Variants in RBMS1 observed in about 807,000 individuals in gnomAD.
RBMS1 encodes RNA-binding motif, single-stranded-interacting protein 1.
A neutral mutation model predicts 62.3 loss-of-function variants in RBMS1; 17 were observed. The ratio of observed to expected loss-of-function variants is 0.27; its 90% CI spans 0.19 to 0.41. The LOEUF (loss-of-function observed/expected upper bound fraction) is 0.41. Ranked by LOEUF, RBMS1 falls within the 10% of genes least tolerant of loss-of-function variation. The pLI is 1.00. For missense variants in RBMS1, 334 were observed against 504.5 expected, an observed-to-expected ratio of 0.66 and a Z score of 3.24; for synonymous variants, 172 against 170.0, an observed-to-expected ratio of 1.01 and a Z score of -0.09.
rs146925803 is a variant in RBMS1, at chr2:160,310,431, T to C, written c.402+2725A>G. On this transcript the variant is annotated intron_variant, in intron 4 of 13. Transcript: ENST00000348849. Reference sequence around the variant, plus strand: ...CATATGAGTCTGACATTCTATAAACTGTATTTGCTATGTAACTTGAGACTC... The same window carrying C: ...CATATGAGTCTGACATTCTATAAACCGTATTTGCTATGTAACTTGAGACTC... Among the ~76,000 whole-genome samples the C allele has an allele frequency of 6.2e-3, 949 of 152,334 alleles. 17 individuals are homozygous for C. Among genetic ancestry groups the C allele is most frequent in the African/African-American group, 0.02 (824 of 41,576 alleles).
intron 1 of RBMS1, among the ~76,000 whole-genome samples, chr2:160,444,914 C>T (rs1033745752): frequency 2.6e-5 from 4 of 152,138 alleles, no homozygotes; most frequent in Admixed American, 1.3e-4. Context: ...GCTGGCACCC[C>T]GATCTTGGAC....
Position 160,276,961 on chromosome 2 carries a change from G to A in RBMS1, c.1143+342C>T, listed in dbSNP as rs143222613. On this transcript the variant is annotated intron_variant, in intron 12 of 13. Transcript: ENST00000348849. Reference sequence around the variant, plus strand: ...GTCATGATCATAGCTCACTGTAGTTGCAAACTCCAGGGCTCAAGGGTTCTT... The same window carrying A: ...GTCATGATCATAGCTCACTGTAGTTACAAACTCCAGGGCTCAAGGGTTCTT... Among the ~76,000 whole-genome samples the A allele has an allele frequency of 8.1e-4, 123 of 152,210 alleles. 2 individuals are homozygous for A. In the East Asian group the frequency reaches 0.019, roughly 23 times the overall value.
intron 1 of RBMS1, among the ~76,000 whole-genome samples, chr2:160,463,781 G>T (rs868326649): frequency 6.6e-6 from 1 of 151,998 alleles, no homozygotes; most frequent in Non-Finnish European, 1.5e-5. Flanking sequence ...GTGAAACTCC[G>T]TCTCAAAAAA....
chr2:160,349,904 C>T (rs1692399317), intron 2 of RBMS1, among the ~76,000 whole-genome samples: 1 of 151,632 alleles, frequency 6.6e-6, no homozygotes, highest in African/African-American at 2.4e-5. Context: ...TAAAGGGTGG[C>T]TGAAGTAAGC....
At chr2:160,284,715 G>T in intron 9 of RBMS1, 60 bp downstream of exon 9, 1 of 1,267,250 alleles carries the variant, frequency 7.9e-7, no homozygotes, top group Non-Finnish European at 1.2e-6. Context: ...ACATAAAAAT[G>T]TAGCAGAGAT....
At chr2:160,293,288 G>C (rs2105943125) in intron 6 of RBMS1, among the ~76,000 whole-genome samples, 1 of 152,228 alleles carries the variant, frequency 6.6e-6, no homozygotes, top group Middle Eastern at 3.4e-3. Flanking sequence ...CCTGGCATAG[G>C]ACAATGCCCT....
intron 2 of RBMS1, among the ~76,000 whole-genome samples, chr2:160,349,828 G>A (rs1158046438): frequency 6.6e-6 from 1 of 151,002 alleles, no homozygotes; most frequent in African/African-American, 2.4e-5. Context: ...GCAAAGCGGG[G>A]TGGGGGGGTG....
chr2:160,394,237 CAAGAACACACAGCA>C (rs1573993338), intron 1 of RBMS1, among the ~76,000 whole-genome samples: 1 of 152,172 alleles, frequency 6.6e-6, no homozygotes, highest in East Asian at 1.9e-4. Flanking sequence ...TCAGAATTTT[CAAGAACACACAGCA>C]GTGTGTTCCT....
Position 160,312,820 on chromosome 2 carries a change from T to TA in RBMS1, c.402+335_402+336insT, listed in dbSNP as rs1367221224. 2.7e-3 allele frequency among the ~76,000 whole-genome samples: 401 copies of TA among 148,074 alleles called. 4 individuals carry two copies. Among genetic ancestry groups the TA allele is most frequent in the Non-Finnish European group, 2.4e-3 (160 of 66,458 alleles). ...ATTCCCTGGGCATTGACATTTAAAT[T>TA]TAAAAAAAAAAAAAACAGTACAGAT... is the stretch of plus-strand genomic sequence containing the variant. On this transcript the variant is annotated intron_variant, in intron 4 of 13. Coordinates refer to ENST00000348849, the MANE Select transcript of RBMS1 (RefSeq NM_016836.4).
chr2:160,349,553 AAGAGAGAG>A (rs372260654), intron 2 of RBMS1, among the ~76,000 whole-genome samples: 46 of 142,840 alleles, frequency 3.2e-4, no homozygotes, highest in African/African-American at 9.1e-4. Flanking sequence ...CAGAGACAGA[AAGAGAGAG>A]AGAGAGAGAG....
intron 2 of RBMS1, among the ~76,000 whole-genome samples, chr2:160,351,336 A>T (rs527724586): frequency 1.1e-4 from 16 of 152,178 alleles, no homozygotes; most frequent in East Asian, 1.9e-4. Context: ...TAAATAATAA[A>T]AAAAAAAGAG....
chr2:160,415,154 A>G lies in RBMS1; in HGVS notation c.76-47763T>C, dbSNP rs534834270. On this transcript the variant is annotated intron_variant, in intron 1 of 13. Transcript: ENST00000348849. ...TATGGAGCTGTTATTCTCCATGCCT[A>G]TTGTAAGCCTATAAAAATGTAAGTG... 1.2e-3 allele frequency among the ~76,000 whole-genome samples: 187 copies of G among 152,194 alleles called. 1 individual carries two copies. The highest frequency in any genetic ancestry group is 4.3e-3 in the African/African-American group (179 of 41,514).
At chr2:160,329,559 C>G (rs1416466828) in intron 2 of RBMS1, among the ~76,000 whole-genome samples, 1 of 152,046 alleles carries the variant, frequency 6.6e-6, no homozygotes, top group Non-Finnish European at 1.5e-5. Context: ...TCAAGAAAAT[C>G]AGAGAGGAAT....
intron 1 of RBMS1, among the ~76,000 whole-genome samples, chr2:160,397,748 A>G (rs1573999792): frequency 1.3e-5 from 2 of 152,178 alleles, no homozygotes; most frequent in South Asian, 2.1e-4. Flanking sequence ...AAGACCTCCC[A>G]ATGGGTATTT....
intron 2 of RBMS1, among the ~76,000 whole-genome samples, chr2:160,325,478 G>C (rs1428424647): frequency 6.6e-6 from 1 of 152,104 alleles, no homozygotes. Context: ...TTATTTTGGA[G>C]TTGCTGGGAA....
At chr2:160,405,954 C>T (rs1018690635) in intron 1 of RBMS1, among the ~76,000 whole-genome samples, 14 of 152,154 alleles carry the variant, frequency 9.2e-5, no homozygotes, top group African/African-American at 3.4e-4. Context: ...TGTAAATTGG[C>T]TGCATTTATG....
At chr2:160,296,679 C>T (rs1329710405) in intron 6 of RBMS1, among the ~76,000 whole-genome samples, 1 of 152,102 alleles carries the variant, frequency 6.6e-6, no homozygotes, top group African/African-American at 2.4e-5. Flanking sequence ...TCTATATTGC[C>T]TCTGTGCTTG....
At chr2:160,276,414 C>A (rs1254138032) in intron 12 of RBMS1, among the ~76,000 whole-genome samples, 2 of 152,066 alleles carry the variant, frequency 1.3e-5, no homozygotes, top group Non-Finnish European at 2.9e-5. Flanking sequence ...ACCACCACCA[C>A]CACCACCTCC....
intron 1 of RBMS1, among the ~76,000 whole-genome samples, chr2:160,465,990 AGT>A (rs1684676004): frequency 6.6e-6 from 1 of 152,294 alleles, no homozygotes; most frequent in Admixed American, 6.5e-5. Flanking sequence ...TTATCAGAAA[AGT>A]GTTTATTATT....
Sources: allele counts gnomAD v4.1 joint callset (sites outside exome capture counted in the v4.1 genomes callset), GRCh38; gene constraint gnomAD v4.1.1; transcripts MANE v1.5; gene names NCBI Gene and HGNC (gene_info 2026-07-23, HGNC 2026-07-21).